SLC16A7: variants seen among roughly 807,000 people sequenced by gnomAD.
SLC16A7 encodes monocarboxylate transporter 2.
A neutral mutation model predicts 34.9 loss-of-function variants in SLC16A7; 33 were observed. That is an observed-to-expected ratio of 0.94 (90% CI 0.72 to 1.26). SLC16A7 has a LOEUF of 1.26. SLC16A7 is among the 50% of genes most tolerant of loss of function. The probability of loss-of-function intolerance (pLI) is 0.00; values close to 1 mark genes in which losing one functional copy is unlikely to be tolerated. For missense variants in SLC16A7, 573 were observed against 578.1 expected (o/e 0.99, Z 0.09); for synonymous variants, 201 against 206.6 (o/e 0.97, Z 0.23).
chr12:59,755,129 C>G lies in SLC16A7; in HGVS notation c.218-16090C>G, dbSNP rs1470234581. ...ATCTCAAAATAAGAGCTATCTATGA[C>G]AAACCCACAGCCAATATCATACTGA... On this transcript the variant is annotated intron_variant, in intron 3 of 5. Coordinates refer to ENST00000547379, the MANE Select transcript of SLC16A7 (RefSeq NM_001270623.2). Among the ~76,000 whole-genome samples the G allele has an allele frequency of 4.6e-5, 7 of 152,152 alleles. 1 individual carries two copies. In the South Asian group the frequency reaches 8.3e-4, roughly 18 times the overall value.
At position 59,775,770 on chromosome 12, in the gene SLC16A7, T is replaced by C. The variant is rs151047611; in HGVS notation, c.1180+295T>C. Among the ~76,000 whole-genome samples the C allele has an allele frequency of 5.9e-5, 9 of 152,256 alleles. No individual in the cohort carries two copies. In the East Asian group the frequency reaches 1.5e-3, roughly 26 times the overall value. ...TTCAGTTGTTTTGGTCTCTTAAAAA[T>C]ATATCAGAAAAAAATGCTATTTTAT... is the stretch of plus-strand genomic sequence containing the variant. On this transcript the variant is annotated intron_variant, in intron 5 of 5. Coordinates refer to ENST00000547379, the MANE Select transcript of SLC16A7 (RefSeq NM_001270623.2).
At position 59,626,482 on chromosome 12, in the gene SLC16A7, A is replaced by G. The variant is rs189928474; in HGVS notation, c.-129-28670A>G. ...TAATCCAGTGAGGTGGACTAATGCT[A>G]TAATTCTCTCCATTTGACAGATGAG... On this transcript the variant is annotated intron_variant, in intron 1 of 5. Transcript: ENST00000547379. 5.9e-3 allele frequency among the ~76,000 whole-genome samples: 899 copies of G among 151,890 alleles called. 36 individuals carry two copies. Among genetic ancestry groups the G allele is most frequent in the Admixed American group, 0.056 (856 of 15,186 alleles).
chr12:59,670,085 G>T (rs61936300), intron 2 of SLC16A7, among the ~76,000 whole-genome samples: 4,515 of 152,266 alleles, frequency 0.03, 105 homozygotes, highest in Non-Finnish European at 0.048. Flanking sequence ...TTTCTTGAAA[G>T]CTTCTAGGGG....
At chr12:59,613,423 G>A (rs1879291923) in intron 1 of SLC16A7, among the ~76,000 whole-genome samples, 1 of 152,072 alleles carries the variant, frequency 6.6e-6, no homozygotes, top group Admixed American at 6.6e-5. Context: ...ACCTCCCAAG[G>A]GCTCCATCTC....
intron 3 of SLC16A7, among the ~76,000 whole-genome samples, chr12:59,736,799 C>T (rs1877658336): frequency 6.6e-6 from 1 of 152,186 alleles, no homozygotes; most frequent in Admixed American, 6.5e-5. Context: ...TGCATAACTT[C>T]CTCCACATGC....
At position 59,785,386 on chromosome 12, in the gene SLC16A7, G is replaced by T. The variant is rs1883538009; in HGVS notation, c.*5707G>T. The T allele has an allele frequency of 6.6e-6, 1 of 152,042 alleles. No individual in the cohort carries two copies. The highest frequency in any genetic ancestry group is 6.6e-5 in the Admixed American group (1 of 15,262). 9.4% of individuals were successfully genotyped at this position (152,042 alleles called of 1,614,324 possible). A position where few individuals can be genotyped will look rare whatever the true frequency, so the allele number is the denominator to read the frequency against. ...CAGGGAAGAATTGCTGTAGTATTGA[G>T]AATGGTCATTTTAAAAGTCTCTACC... On this transcript the variant is annotated 3_prime_UTR_variant, in exon 6 of 6. Coordinates refer to ENST00000547379, the MANE Select transcript of SLC16A7 (RefSeq NM_001270623.2).
At chr12:59,766,316 G>C (rs924861660) in intron 3 of SLC16A7, among the ~76,000 whole-genome samples, 6 of 151,900 alleles carry the variant, frequency 3.9e-5, no homozygotes, top group Non-Finnish European at 5.9e-5. Context: ...ATTGAATGCC[G>C]TTTATTTCCT....
intron 2 of SLC16A7, among the ~76,000 whole-genome samples, chr12:59,674,302 C>A (rs1870126642): frequency 6.6e-6 from 1 of 152,130 alleles, no homozygotes; most frequent in Non-Finnish European, 1.5e-5. Context: ...AAGGCATAGA[C>A]TATATCTTGT....
At chr12:59,748,117 C>T (rs894227418) in intron 3 of SLC16A7, among the ~76,000 whole-genome samples, 1 of 152,034 alleles carries the variant, frequency 6.6e-6, no homozygotes, top group South Asian at 2.1e-4. Context: ...GCAGGAGAAT[C>T]GCAAGGGTTA....
At chr12:59,740,237 G>A (rs945912052) in intron 3 of SLC16A7, among the ~76,000 whole-genome samples, 2 of 151,652 alleles carry the variant, frequency 1.3e-5, no homozygotes, top group African/African-American at 4.9e-5. Context: ...TGTAAGGAAG[G>A]GATCCAGTTT....
intron 1 of SLC16A7, among the ~76,000 whole-genome samples, chr12:59,614,789 C>T (rs906587325): frequency 7.4e-6 from 1 of 134,556 alleles, no homozygotes; most frequent in Non-Finnish European, 1.5e-5. Context: ...GAGATCGAGA[C>T]CATCCTGGCT....
chr12:59,774,632 C>T, intron 4 of SLC16A7, 25 bp from the exon 5 acceptor site: 2 of 1,436,532 alleles, frequency 1.4e-6, no homozygotes, highest in Non-Finnish European at 1.9e-6. Context: ...TGTGTTTTCC[C>T]CCACTTTTGT....
In SLC16A7 at chr12:59,775,463, C is replaced by T; in HGVS notation, c.1168C>T (p.Pro390Ser). ...GGAGTGTGGCCCAGTTCTTCTTGGC[C>T]CTCCTCTTGCAGGTAAGAACGTTTT... ...IVECGPVLLGPPLAGKLVDLT... is the reference protein window; with the variant it reads ...IVECGPVLLGSPLAGKLVDLT... Residue 390 changes from proline to serine, a missense_variant, in exon 5 of 6, where the codon CCT (proline) becomes TCT (serine). Transcript: ENST00000547379. 1.2e-6 allele frequency: 2 copies of T among 1,612,686 alleles called. No individual in the cohort carries two copies. The highest frequency in any genetic ancestry group is 1.7e-6 in the Non-Finnish European group (2 of 1,178,994).
intron 2 of SLC16A7, among the ~76,000 whole-genome samples, chr12:59,674,003 A>G (rs1048946017): frequency 6.6e-6 from 1 of 152,152 alleles, no homozygotes; most frequent in African/African-American, 2.4e-5. Context: ...ACTGCCTTAT[A>G]CAATAGTTAT....
At chr12:59,680,002 A>G (rs1870620156) in intron 2 of SLC16A7, among the ~76,000 whole-genome samples, 1 of 152,146 alleles carries the variant, frequency 6.6e-6, no homozygotes, top group Admixed American at 6.6e-5. Flanking sequence ...CATGTTAATC[A>G]TTTTTGCAAT....
rs200520006 is a variant in SLC16A7 at position 59,678,074 on chromosome 12, TG to T, written c.-31+22828del. 2.0e-5 allele frequency among the ~76,000 whole-genome samples: 3 copies of T among 152,210 alleles called. No individual in the cohort carries two copies. The East Asian group carries it at 5.8e-4, about 29-fold the overall frequency. On this transcript the variant is annotated intron_variant, in intron 2 of 5. Coordinates refer to ENST00000547379, the MANE Select transcript of SLC16A7 (RefSeq NM_001270623.2). Reference sequence around the variant, plus strand: ...TGAGGGACATGTGAGTGAGCAAGTGTGGGGCTCAGCCACTGTGCAGAGCCAG... The same window carrying T: ...TGAGGGACATGTGAGTGAGCAAGTGTGGGCTCAGCCACTGTGCAGAGCCAG...
chr12:59,610,168 G>A (rs577727118), intron 1 of SLC16A7, among the ~76,000 whole-genome samples: 8 of 152,266 alleles, frequency 5.3e-5, no homozygotes, highest in African/African-American at 1.7e-4. Context: ...AAATTACAGG[G>A]CAGCAAGAGA....
chr12:59,623,777 G>A (rs560340575), intron 1 of SLC16A7, among the ~76,000 whole-genome samples: 1 of 151,564 alleles, frequency 6.6e-6, no homozygotes, highest in Non-Finnish European at 1.5e-5. Flanking sequence ...TGCGAAGGAT[G>A]TTTAAGAAAA....
intron 1 of SLC16A7, among the ~76,000 whole-genome samples, chr12:59,601,595 G>A (rs1002983880): frequency 6.6e-6 from 1 of 152,038 alleles, no homozygotes; most frequent in African/African-American, 2.4e-5. Context: ...CAGAGCATTG[G>A]GTGTCTGTGA....
Sources: gnomAD v4.1 joint callset for allele counts (sites outside exome capture counted in the v4.1 genomes callset) on GRCh38, gnomAD v4.1.1 for gene constraint, MANE v1.5 for transcripts, NCBI Gene and HGNC (gene_info 2026-07-23, HGNC 2026-07-21) for gene names.